Variants in CTNNA3 observed in about 807,000 individuals in gnomAD.
The protein encoded by CTNNA3 is catenin alpha-3.
In CTNNA3, 76 loss-of-function variants were observed where a neutral mutation model predicts 95.7. The observed-to-expected ratio is 0.79, with a 90% CI of 0.66 to 0.96. The LOEUF (loss-of-function observed/expected upper bound fraction) is 0.96. Among genes scored for constraint, CTNNA3 ranks in the 40% least tolerant of loss-of-function variants. The pLI, the probability that CTNNA3 is intolerant of heterozygous loss-of-function variation, is 0.00. For synonymous variants in CTNNA3, 431 were observed against 374.4 expected, an observed-to-expected ratio of 1.15 and a Z score of -1.74; for missense variants, 1,191 against 1,089.8, an observed-to-expected ratio of 1.09 and a Z score of -1.31.
At chr10:67,391,919 G>A (rs1327748824) in intron 5 of CTNNA3, among the ~76,000 whole-genome samples, 2 of 151,178 alleles carry the variant, frequency 1.3e-5, no homozygotes, top group East Asian at 3.9e-4. Context: ...ATGGATTAAA[G>A]ACTTAAACGT....
chr10:66,287,342 A>G (rs907519507), intron 12 of CTNNA3, among the ~76,000 whole-genome samples: 2 of 152,080 alleles, frequency 1.3e-5, no homozygotes, highest in African/African-American at 4.8e-5. Flanking sequence ...ACTTTACTGT[A>G]TGTGTTTTCT....
In CTNNA3 at chr10:66,991,231, C is replaced by A. The variant is rs955260391; in HGVS notation, c.1047+189086G>T. Among the ~76,000 whole-genome samples, 6 of 152,234 alleles carry A rather than the reference C, an allele frequency of 3.9e-5. No individual in the cohort carries two copies. In the East Asian group the frequency reaches 9.7e-4, roughly 25 times the overall value. On this transcript the variant is annotated intron_variant, in intron 7 of 17. Transcript: ENST00000433211. ...CCAGGTTTTCTAAATTTTCATATTT[C>A]AAATTAGTATAATTTGAGGGAAGTT...
In CTNNA3 at chr10:66,649,589, A is replaced by C. The variant is rs542674644; in HGVS notation, c.1282-27805T>G. Among the ~76,000 whole-genome samples, 20 of 152,256 alleles carry C rather than the reference A, an allele frequency of 1.3e-4. 1 individual carries two copies. The highest frequency in any genetic ancestry group is 4.8e-4 in the African/African-American group (20 of 41,556). On this transcript the variant is annotated intron_variant, in intron 9 of 17. Transcript: ENST00000433211. ...CAGCAAAACCCAACTTCACGCAGGC[A>C]CCTATGGCCCCAGACTCCAGGCTGA...
intron 11 of CTNNA3, among the ~76,000 whole-genome samples, chr10:66,401,992 G>A (rs528063068): frequency 5.3e-5 from 8 of 151,916 alleles, no homozygotes; most frequent in Non-Finnish European, 1.0e-4. Flanking sequence ...TAGAAATTTA[G>A]TTGTAAATAG....
chr10:66,332,175 A>G (rs969199948), intron 12 of CTNNA3, among the ~76,000 whole-genome samples: 2 of 151,954 alleles, frequency 1.3e-5, no homozygotes, highest in Non-Finnish European at 2.9e-5. Context: ...TAGATATACA[A>G]TCATGTCATC....
intron 9 of CTNNA3, among the ~76,000 whole-genome samples, chr10:66,655,632 C>A (rs75850425): frequency 0.049 from 7,390 of 152,010 alleles, 240 homozygotes; most frequent in Non-Finnish European, 0.069. Flanking sequence ...CATCTCTAGT[C>A]TAGTGGCTTC....
At chr10:66,713,990 T>C (rs1437759128) in intron 9 of CTNNA3, among the ~76,000 whole-genome samples, 1 of 151,880 alleles carries the variant, frequency 6.6e-6, no homozygotes, top group African/African-American at 2.4e-5. Context: ...ACAGAGAAAA[T>C]CACATGATAG....
chr10:67,237,459 C>A (rs570193429), intron 5 of CTNNA3, among the ~76,000 whole-genome samples: 5 of 151,238 alleles, frequency 3.3e-5, no homozygotes. Context: ...GATGGGTGCA[C>A]CAAAATTTTA....
At chr10:65,972,427 C>T (rs538683203) in intron 16 of CTNNA3, among the ~76,000 whole-genome samples, 6 of 152,116 alleles carry the variant, frequency 3.9e-5, no homozygotes, top group Admixed American at 3.9e-4. Context: ...TGATTTTATA[C>T]CCAGAAAACA....
Position 66,340,063 on chromosome 10 carries a change from T to C in CTNNA3, c.1732+39089A>G, listed in dbSNP as rs1472808288. 4.0e-5 allele frequency among the ~76,000 whole-genome samples: 6 copies of C among 151,852 alleles called. No homozygotes were observed. The South Asian group carries it at 8.3e-4, about 21-fold the overall frequency. ...CCCAGGATTGTACACACCTGTTACA[T>C]ATTAATAAAAAAGGACAGGGTTATA... On this transcript the variant is annotated intron_variant, in intron 12 of 17. Coordinates refer to ENST00000433211, the MANE Select transcript of CTNNA3 (RefSeq NM_013266.4).
intron 15 of CTNNA3, among the ~76,000 whole-genome samples, chr10:66,021,884 C>T (rs79358970): frequency 0.032 from 1,245 of 38,872 alleles, 25 homozygotes; most frequent in African/African-American, 0.085. Context: ...GATAGGGTCT[C>T]GCCCTGTCAC....
intron 8 of CTNNA3, among the ~76,000 whole-genome samples, chr10:66,771,049 G>A (rs1840067501): frequency 6.6e-6 from 1 of 151,976 alleles, no homozygotes; most frequent in African/African-American, 2.4e-5. Flanking sequence ...ATGACCAGGA[G>A]GTATAAAAGC....
chr10:66,777,741 G>A (rs1283286382), intron 7 of CTNNA3, among the ~76,000 whole-genome samples: 2 of 150,334 alleles, frequency 1.3e-5, no homozygotes, highest in Non-Finnish European at 3.0e-5. Context: ...AGGCAGAAGT[G>A]GGACAGACAA....
chr10:67,152,646 T>C (rs1206700605), intron 7 of CTNNA3, among the ~76,000 whole-genome samples: 1 of 152,180 alleles, frequency 6.6e-6, no homozygotes, highest in Non-Finnish European at 1.5e-5. Flanking sequence ...TTTAATTAAA[T>C]CTCTGTTGAT....
At chr10:67,714,579 T>A (rs985840638) in intron 1 of CTNNA3, among the ~76,000 whole-genome samples, 1 of 152,232 alleles carries the variant, frequency 6.6e-6, no homozygotes, top group Admixed American at 6.5e-5. Flanking sequence ...TTATCTCAGA[T>A]GAGACTTTTG....
At chr10:66,812,520 T>C in intron 7 of CTNNA3, among the ~76,000 whole-genome samples, 1 of 152,160 alleles carries the variant, frequency 6.6e-6, no homozygotes, top group East Asian at 1.9e-4. Context: ...TGACAATTTA[T>C]TAATTTCACG....
intron 6 of CTNNA3, among the ~76,000 whole-genome samples, chr10:67,189,706 A>G (rs942798026): frequency 2.6e-5 from 4 of 152,150 alleles, no homozygotes; most frequent in Admixed American, 2.6e-4. Context: ...TTATAATTAT[A>G]CAGCTAGAAG....
At chr10:67,096,416 A>T (rs1337745784) in intron 7 of CTNNA3, among the ~76,000 whole-genome samples, 2 of 151,778 alleles carry the variant, frequency 1.3e-5, no homozygotes, top group Non-Finnish European at 2.9e-5. Context: ...TTAGCTTTGG[A>T]CTCTAATCTC....
intron 5 of CTNNA3, among the ~76,000 whole-genome samples, chr10:67,488,391 C>T (rs951946060): frequency 2.0e-5 from 3 of 152,088 alleles, no homozygotes. Context: ...CTTTTTGAGA[C>T]GGAGTTTTGC....
Sources: allele counts gnomAD v4.1 joint callset (sites outside exome capture counted in the v4.1 genomes callset), GRCh38; gene constraint gnomAD v4.1.1; transcripts MANE v1.5; gene names NCBI Gene and HGNC (gene_info 2026-07-23, HGNC 2026-07-21).